Variants in PSIP1 observed in about 807,000 individuals in gnomAD.
The protein encoded by PSIP1 is PC4 and SRSF1 interacting protein 1.
In PSIP1, 19 loss-of-function variants were observed where a neutral mutation model predicts 74.7. That is an observed-to-expected ratio of 0.25 (90% confidence interval 0.18 to 0.37). The LOEUF is 0.37. Among genes scored for constraint, PSIP1 ranks in the 10% least tolerant of loss-of-function variants. The pLI is 1.00. For synonymous variants in PSIP1, 222 were observed against 195.3 expected (o/e 1.14, Z -1.14); for missense variants, 601 against 614.3 (o/e 0.98, Z 0.23).
At chr9:15,500,358 G>A (rs962142294) in intron 3 of PSIP1, among the ~76,000 whole-genome samples, 1 of 151,898 alleles carries the variant, frequency 6.6e-6, no homozygotes, top group Non-Finnish European at 1.5e-5. Context: ...CCAGCTACTT[G>A]GGAGGCTGAG....
chr9:15,498,284 C>T lies in PSIP1; in HGVS notation c.150-8160G>A, dbSNP rs146539440. On this transcript the variant is annotated intron_variant, in intron 3 of 15. Transcript: ENST00000380733. ...TACAAAAATTAGCCAGCCGTGGTGG[C>T]GTGCACCTATAATCCCAGCCACTAG... Among the ~76,000 whole-genome samples, 47 of 152,162 alleles carry T rather than the reference C, an allele frequency of 3.1e-4. 1 individual carries two copies. Among genetic ancestry groups the T allele is most frequent in the East Asian group, 2.1e-3 (11 of 5,180 alleles).
intron 8 of PSIP1, 93 bp from the exon 9 acceptor site, chr9:15,474,330 T>A: frequency 8.8e-7 from 1 of 1,131,056 alleles, no homozygotes; most frequent in African/African-American, 1.6e-5. Flanking sequence ...TAAAGGCAAA[T>A]CTAAAACAAA....
intron 8 of PSIP1, 148 bp from the exon 9 acceptor site, chr9:15,474,385 C>A: frequency 1.6e-6 from 1 of 636,406 alleles, no homozygotes; most frequent in Non-Finnish European, 2.5e-6. Context: ...GGAATTCTGT[C>A]ACAGAACATC....
chr9:15,467,145 C>G (rs893966780), intron 14 of PSIP1, among the ~76,000 whole-genome samples: 21 of 152,118 alleles, frequency 1.4e-4, no homozygotes, highest in Admixed American at 1.3e-4. Flanking sequence ...GATTATTAAT[C>G]TGATTATTCT....
chr9:15,482,926 G>A (rs937672940), intron 6 of PSIP1, among the ~76,000 whole-genome samples: 1 of 152,006 alleles, frequency 6.6e-6, no homozygotes, highest in South Asian at 2.1e-4. Context: ...TATCTTACTG[G>A]TACCCTCTCT....
At chr9:15,471,085 G>A in intron 10 of PSIP1, 7 of 1,531,246 alleles carry the variant, frequency 4.6e-6, no homozygotes, top group Non-Finnish European at 6.1e-6. Context: ...ATCAATGGGG[G>A]GAAGGGGGAA....
rs1344893968 is a variant in PSIP1 at position 15,510,937 on chromosome 9, GCGCCGCCGCTGC to G, written c.-274_-263del. The G allele has an allele frequency of 6.5e-6, 1 of 153,176 alleles. No individual in the cohort carries two copies. Among genetic ancestry groups the G allele is most frequent in the Non-Finnish European group, 1.5e-5 (1 of 68,590 alleles). The allele number at this position is 153,176 out of a possible 1,614,324, so 9.5% of individuals were successfully genotyped here. ...GTCTCAACGGCTCGGAATCGCAACC[GCGCCGCCGCTGC>G]CGCCGCCGTAGCTGCGCTGCTCCCG... On this transcript the variant is annotated 5_prime_UTR_variant, in exon 1 of 16. Transcript: ENST00000380733.
In PSIP1 at chr9:15,474,064, CCT is replaced by C. The variant is rs1429835801; in HGVS notation, c.801_802del (p.Val269TyrfsTer7). ...TTCAGAATCGGAGGTTGAAGTAACC[CCT>C]GTTTTAGCTAAATTTTTCCTTTTTG... On this transcript the variant is annotated frameshift_variant, in exon 9 of 16. Coordinates refer to ENST00000380733, the MANE Select transcript of PSIP1 (RefSeq NM_033222.5). LOFTEE classifies it high-confidence loss of function. 4.3e-6 allele frequency: 7 copies of C among 1,613,568 alleles called. No homozygotes were observed. The highest frequency in any genetic ancestry group is 2.2e-5 in the East Asian group (1 of 44,838).
At chr9:15,470,684 T>A in intron 10 of PSIP1, 1 of 936,672 alleles carries the variant, frequency 1.1e-6, no homozygotes, top group Non-Finnish European at 1.3e-6. Flanking sequence ...TACAGTTTCA[T>A]TCTTAACAAG....
intron 3 of PSIP1, chr9:15,505,621 G>C (rs1308322229): frequency 1.3e-5 from 2 of 152,152 alleles, no homozygotes; most frequent in African/African-American, 4.8e-5. Flanking sequence ...TTGGAGAGGG[G>C]AAAGTGATCA....
intron 3 of PSIP1, among the ~76,000 whole-genome samples, chr9:15,496,233 G>C (rs2037067587): frequency 6.6e-6 from 1 of 152,210 alleles, no homozygotes; most frequent in Non-Finnish European, 1.5e-5. Flanking sequence ...CATGTTGTTA[G>C]TGGACTGTTA....
rs777669122 is a variant in PSIP1, at chr9:15,510,071, G to A, written c.72+46C>T. ...AGACACGGTGGGCAGCAGGCCTCTG[G>A]AGAGGAGGGTAGCACTGCTAAGCGC... On this transcript the variant is annotated intron_variant, in intron 2 of 15. Transcript: ENST00000380733. 3.2e-6 allele frequency: 5 copies of A among 1,546,550 alleles called. No homozygotes were observed. In the Admixed American group the frequency reaches 8.8e-5, roughly 27 times the overall value.
rs564725522 is a variant in PSIP1 at position 15,501,491 on chromosome 9, A to G, written c.149+5070T>C. On this transcript the variant is annotated intron_variant, in intron 3 of 15. Transcript: ENST00000380733. ...TAAATGACTTCAAATATCCGAAGGC[A>G]TAACCTTCCCCGCAAAGGGAAAACA... Among the ~76,000 whole-genome samples the G allele has an allele frequency of 2.0e-5, 3 of 152,302 alleles. No individual in the cohort carries two copies. The South Asian group carries it at 6.2e-4, about 32-fold the overall frequency.
chr9:15,480,446 G>T (rs1366041341), intron 6 of PSIP1, among the ~76,000 whole-genome samples: 2 of 152,064 alleles, frequency 1.3e-5, no homozygotes, highest in Admixed American at 1.3e-4. Flanking sequence ...CAATCTCATT[G>T]ATTAAAAAAA....
chr9:15,487,025 G>T, intron 4 of PSIP1, 94 bp from the exon 5 acceptor site: 1 of 755,484 alleles, frequency 1.3e-6, no homozygotes, highest in Non-Finnish European at 2.0e-6. Context: ...TAGAGACAGG[G>T]TCTCACTCTA....
intron 3 of PSIP1, among the ~76,000 whole-genome samples, chr9:15,503,816 G>A (rs968546340): frequency 1.2e-4 from 18 of 152,004 alleles, no homozygotes; most frequent in South Asian, 2.1e-4. Flanking sequence ...GCACAATCTC[G>A]GCTCACCACA....
At chr9:15,504,752 A>T (rs2037507390) in intron 3 of PSIP1, among the ~76,000 whole-genome samples, 1 of 151,434 alleles carries the variant, frequency 6.6e-6, no homozygotes, top group South Asian at 2.1e-4. Flanking sequence ...AAAAAAAAAG[A>T]AAAAACCTGT....
At chr9:15,473,948 A>T in intron 9 of PSIP1, 61 bp downstream of exon 9, 3 of 1,206,244 alleles carry the variant, frequency 2.5e-6, no homozygotes, top group Non-Finnish European at 2.2e-6. Flanking sequence ...CAAAGAAAAA[A>T]CAAAAAATAT....
Position 15,470,001 on chromosome 9 carries a change from A to G in PSIP1, c.978-8T>C, listed in dbSNP as rs917471752. 1.9e-6 allele frequency: 3 copies of G among 1,599,952 alleles called. No homozygotes were observed. Among genetic ancestry groups the G allele is most frequent in the Non-Finnish European group, 2.6e-6 (3 of 1,173,046 alleles). On this transcript the variant is annotated splice_polypyrimidine_tract_variant and splice_region_variant and intron_variant, in intron 10 of 15. Transcript: ENST00000380733. ...CCTTCATCTTTATTCTGCCTATCAA[A>G]TGTTAACAAAAATATTTCAACACAT...
Sources: gnomAD v4.1 joint callset for allele counts (sites outside exome capture counted in the v4.1 genomes callset) on GRCh38, gnomAD v4.1.1 for gene constraint, MANE v1.5 for transcripts, NCBI Gene and HGNC (gene_info 2026-07-23, HGNC 2026-07-21) for gene names.